Variants in NOL4 observed in about 807,000 individuals in gnomAD.
The protein encoded by NOL4 is nucleolar protein 4.
NOL4 carries 17 observed loss-of-function variants against 75.9 expected under a neutral mutation model. The observed-to-expected ratio is 0.22, with a 90% confidence interval of 0.15 to 0.34. The LOEUF (loss-of-function observed/expected upper bound fraction) is 0.34. Ranked by LOEUF, NOL4 falls within the 10% of genes least tolerant of loss-of-function variation. The pLI is 1.00. For synonymous variants in NOL4, 292 were observed against 289.9 expected (o/e 1.01, Z -0.07); for missense variants, 614 against 793.5 (o/e 0.77, Z 2.72).
intron 5 of NOL4, among the ~76,000 whole-genome samples, chr18:34,050,989 C>T (rs1431595291): frequency 2.0e-5 from 3 of 152,016 alleles, no homozygotes; most frequent in Non-Finnish European, 4.4e-5. Context: ...TGACAAACTG[C>T]ATTACTAATC....
At chr18:34,070,947 A>G (rs532952827) in intron 5 of NOL4, among the ~76,000 whole-genome samples, 13 of 152,306 alleles carry the variant, frequency 8.5e-5, no homozygotes, top group Non-Finnish European at 1.8e-4. Flanking sequence ...GAAATATATA[A>G]TTTTAAAATT....
chr18:34,205,502 T>C (rs538963053), intron 1 of NOL4, among the ~76,000 whole-genome samples: 1 of 152,068 alleles, frequency 6.6e-6, no homozygotes, highest in African/African-American at 2.4e-5. Context: ...ATAGAGATAA[T>C]TGAATGCCGG....
intron 1 of NOL4, among the ~76,000 whole-genome samples, chr18:34,171,993 C>T (rs1270796996): frequency 6.6e-6 from 1 of 151,972 alleles, no homozygotes; most frequent in Non-Finnish European, 1.5e-5. Context: ...CTTGCCTGTA[C>T]AAAAGAATGA....
chr18:33,898,356 T>A (rs1037561778), intron 9 of NOL4, among the ~76,000 whole-genome samples: 1 of 152,188 alleles, frequency 6.6e-6, no homozygotes. Context: ...ACTCTCAAAT[T>A]CTTACCCCTA....
At chr18:33,938,146 T>A (rs1689151196) in intron 9 of NOL4, among the ~76,000 whole-genome samples, 1 of 152,084 alleles carries the variant, frequency 6.6e-6, no homozygotes, top group African/African-American at 2.4e-5. Context: ...GGCTTTCTCG[T>A]GCAGCTGGTG....
chr18:33,952,393 T>C (rs1490100969), intron 8 of NOL4, among the ~76,000 whole-genome samples: 1 of 152,170 alleles, frequency 6.6e-6, no homozygotes, highest in Admixed American at 6.6e-5. Context: ...AGCAGTCTCA[T>C]ATGATGAACT....
intron 1 of NOL4, among the ~76,000 whole-genome samples, chr18:34,179,898 G>A (rs1003886122): frequency 2.0e-5 from 3 of 151,074 alleles, no homozygotes; most frequent in African/African-American, 7.3e-5. Flanking sequence ...CTCAGTTTAT[G>A]GTATTTTGTT....
At chr18:34,054,395 C>T (rs116970217) in intron 5 of NOL4, among the ~76,000 whole-genome samples, 84 of 151,836 alleles carry the variant, frequency 5.5e-4, no homozygotes, top group African/African-American at 5.8e-4. Context: ...ATTGGGTGCA[C>T]GAATATTTAT....
chr18:33,944,496 C>T (rs1338045738), intron 8 of NOL4, among the ~76,000 whole-genome samples: 1 of 151,866 alleles, frequency 6.6e-6, no homozygotes, highest in Admixed American at 6.6e-5. Flanking sequence ...CAGACTTCCT[C>T]ACTACTCCCC....
chr18:33,866,910 C>G (rs2063456209), intron 10 of NOL4, among the ~76,000 whole-genome samples: 1 of 152,060 alleles, frequency 6.6e-6, no homozygotes, highest in South Asian at 2.1e-4. Context: ...TCCCTAAAAC[C>G]AGAAAGAATA....
At chr18:33,951,010 G>A (rs1185658922) in intron 8 of NOL4, among the ~76,000 whole-genome samples, 1 of 152,024 alleles carries the variant, frequency 6.6e-6, no homozygotes, top group Non-Finnish European at 1.5e-5. Context: ...CTTTTCCAGG[G>A]TGAGACCAAA....
chr18:34,146,785 A>G (rs955210611), intron 1 of NOL4, among the ~76,000 whole-genome samples: 2 of 151,958 alleles, frequency 1.3e-5, no homozygotes, highest in African/African-American at 4.8e-5. Flanking sequence ...CGGGGATAGC[A>G]TTGAATCTAT....
intron 9 of NOL4, among the ~76,000 whole-genome samples, chr18:33,893,625 G>A (rs1205287997): frequency 2.0e-5 from 3 of 151,862 alleles, no homozygotes; most frequent in Non-Finnish European, 4.4e-5. Flanking sequence ...CTCTACCATC[G>A]AATGAATGTT....
At chr18:34,128,986 CA>C (rs1268562954) in intron 2 of NOL4, 1 of 264,382 alleles carries the variant, frequency 3.8e-6, no homozygotes, top group African/African-American at 2.3e-5. Context: ...TAAGAATTCT[CA>C]AAAAGGATAT....
intron 9 of NOL4, among the ~76,000 whole-genome samples, chr18:33,884,017 G>T (rs1171915528): frequency 6.6e-6 from 1 of 152,050 alleles, no homozygotes; most frequent in East Asian, 1.9e-4. Flanking sequence ...GAGGTGGGTT[G>T]GTTCTGAGCA....
At chr18:34,085,735 G>T (rs80343516) in intron 5 of NOL4, among the ~76,000 whole-genome samples, 1,961 of 152,224 alleles carry the variant, frequency 0.013, 12 homozygotes, top group Middle Eastern at 0.034. Context: ...ACATTCCCTA[G>T]ATATGCATTT....
Position 33,851,274 on chromosome 18 carries a change from T to G in NOL4, c.*1568A>C, listed in dbSNP as rs1223342947. On this transcript the variant is annotated 3_prime_UTR_variant, in exon 11 of 11. Transcript: ENST00000261592. ...TATTTCAATAAGATTTTTCACATTA[T>G]ATTCACCAACAGTATCACAAAAGTT... The G allele has an allele frequency of 6.6e-6, 1 of 152,472 alleles. No individual in the cohort carries two copies. Among genetic ancestry groups the G allele is most frequent in the African/African-American group, 2.4e-5 (1 of 41,428 alleles). The allele number at this position is 152,472 out of a possible 1,614,324, so 9.4% of individuals were successfully genotyped here.
chr18:33,954,497 A>T, intron 8 of NOL4, among the ~76,000 whole-genome samples: 1 of 151,950 alleles, frequency 6.6e-6, no homozygotes, highest in South Asian at 2.1e-4. Flanking sequence ...CAGATTGTAG[A>T]AGAAGAAGAA....
chr18:33,957,592 T>TA (rs1335845508), intron 7 of NOL4, 75 bp from the exon 8 acceptor site: 8 of 1,166,388 alleles, frequency 6.9e-6, no homozygotes, highest in Admixed American at 5.2e-5. Context: ...CTGTCTTGAT[T>TA]ACCGATAGGA....
Sources: allele counts gnomAD v4.1 joint callset (sites outside exome capture counted in the v4.1 genomes callset), GRCh38; gene constraint gnomAD v4.1.1; transcripts MANE v1.5; gene names NCBI Gene and HGNC (gene_info 2026-07-23, HGNC 2026-07-21).